Variants in GRAMD2B observed in about 807,000 individuals in gnomAD.
GRAMD2B encodes GRAM domain-containing protein 2B.
Under a neutral mutation model 59.2 loss-of-function variants are expected in GRAMD2B, and 41 were observed. That is an observed-to-expected ratio of 0.69 (90% CI 0.54 to 0.90). The LOEUF (loss-of-function observed/expected upper bound fraction) is 0.90, where lower values mean the gene tolerates loss of function less well. Ranked by LOEUF, GRAMD2B falls within the 40% of genes least tolerant of loss-of-function variation. The pLI is 0.00. For missense variants in GRAMD2B, 424 were observed against 500.5 expected, an observed-to-expected ratio of 0.85 and a Z score of 1.46; for synonymous variants, 161 against 182.7, an observed-to-expected ratio of 0.88 and a Z score of 0.96.
At chr5:126,465,579 T>C in intron 2 of GRAMD2B, 34 bp downstream of exon 2, 2 of 1,603,432 alleles carry the variant, frequency 1.2e-6, no homozygotes, top group South Asian at 2.2e-5. Flanking sequence ...TGTTCTCTTT[T>C]GTCTTTTGGG....
intron 1 of GRAMD2B, among the ~76,000 whole-genome samples, chr5:126,453,043 T>C (rs1360194825): frequency 1.3e-5 from 2 of 152,160 alleles, no homozygotes; most frequent in African/African-American, 4.8e-5. Flanking sequence ...AAGTGGCTCA[T>C]TGTGACATCC....
At position 126,426,880 on chromosome 5, in the gene GRAMD2B, C is replaced by T. The variant is rs78046747; in HGVS notation, c.83+3191C>T. Among the ~76,000 whole-genome samples the T allele has an allele frequency of 9.9e-3, 1,506 of 152,292 alleles. 29 individuals are homozygous for T. The highest frequency in any genetic ancestry group is 0.034 in the African/African-American group (1,419 of 41,550). On this transcript the variant is annotated intron_variant, in intron 1 of 13. Transcript: ENST00000285689. Reference sequence around the variant, plus strand: ...GTGCTAGAAGGTGAAGCTGCTGATACACTCATCACCGAACTGCATATTTGA... The same window carrying T: ...GTGCTAGAAGGTGAAGCTGCTGATATACTCATCACCGAACTGCATATTTGA...
chr5:126,360,546 G>A (rs772290752), intron 1 of GRAMD2B: 174 of 1,294,970 alleles, frequency 1.3e-4, no homozygotes, highest in Non-Finnish European at 1.8e-4. Context: ...GTATCTTAAG[G>A]ACAGAGTGTC....
intron 12 of GRAMD2B, among the ~76,000 whole-genome samples, 190 bp downstream of exon 12, chr5:126,487,167 T>C (rs1773102333): frequency 6.6e-6 from 1 of 152,080 alleles, no homozygotes; most frequent in African/African-American, 2.4e-5. Flanking sequence ...CTGTACTATT[T>C]TGGAGTTGTG....
chr5:126,460,729 A>G (rs1302859522), intron 1 of GRAMD2B, among the ~76,000 whole-genome samples: 2 of 152,202 alleles, frequency 1.3e-5, no homozygotes, highest in Admixed American at 6.5e-5. Flanking sequence ...ACAAGCGTCT[A>G]TGAGGCCCCA....
At chr5:126,421,369 T>C (rs553832438), upstream of GRAMD2B, among the ~76,000 whole-genome samples, 1 of 152,240 alleles carries the variant, frequency 6.6e-6, no homozygotes, top group South Asian at 2.1e-4. Flanking sequence ...GTTTGGGAAA[T>C]TGACAACCTC....
upstream of GRAMD2B, chr5:126,423,314 T>TC (rs1759959811): frequency 2.4e-6 from 3 of 1,261,186 alleles, no homozygotes; most frequent in African/African-American, 4.7e-5. Flanking sequence ...GTTTCCTTTT[T>TC]CTCTTCTCTG....
At chr5:126,403,351 A>C (rs1334319892) in intron 1 of GRAMD2B, among the ~76,000 whole-genome samples, 1 of 152,018 alleles carries the variant, frequency 6.6e-6, no homozygotes, top group Admixed American at 6.6e-5. Flanking sequence ...TTCTTTCCAC[A>C]TTACTGTTTA....
At chr5:126,420,521 CA>C (rs1333694467), upstream of GRAMD2B, among the ~76,000 whole-genome samples, 1 of 152,202 alleles carries the variant, frequency 6.6e-6, no homozygotes, top group Admixed American at 6.5e-5. Context: ...TGCTCCTTCT[CA>C]CTTAAAACCA....
intron 1 of GRAMD2B, among the ~76,000 whole-genome samples, chr5:126,410,798 T>C (rs1758713989): frequency 1.3e-5 from 2 of 152,112 alleles, no homozygotes; most frequent in Non-Finnish European, 2.9e-5. Flanking sequence ...TTTTTCATAA[T>C]AACCATTCCA....
At chr5:126,442,526 A>G (rs1267591969) in intron 1 of GRAMD2B, among the ~76,000 whole-genome samples, 1 of 152,086 alleles carries the variant, frequency 6.6e-6, no homozygotes. Context: ...TCCCAACCTC[A>G]AATGATCCAC....
rs766526046 is a variant in GRAMD2B, at chr5:126,443,258, G to A, written c.83+19569G>A. On this transcript the variant is annotated intron_variant, in intron 1 of 13. Coordinates refer to ENST00000285689, the MANE Select transcript of GRAMD2B (RefSeq NM_023927.4). Reference sequence around the variant, plus strand: ...TTTTTACAAGTCCCATGCCTAAATCGTTCTGACATAGAAAGTTCTTAGGCC... The same window carrying A: ...TTTTTACAAGTCCCATGCCTAAATCATTCTGACATAGAAAGTTCTTAGGCC... Among the ~76,000 whole-genome samples, 32 of 152,252 alleles carry A rather than the reference G, an allele frequency of 2.1e-4. No homozygotes were observed. The East Asian group carries it at 2.7e-3, about 13-fold the overall frequency.
intron 1 of GRAMD2B, among the ~76,000 whole-genome samples, chr5:126,435,298 G>A (rs1374023271): frequency 6.6e-6 from 1 of 152,204 alleles, no homozygotes; most frequent in Non-Finnish European, 1.5e-5. Flanking sequence ...GATTAGAGGC[G>A]CTGTTTGAAG....
upstream of GRAMD2B, among the ~76,000 whole-genome samples, chr5:126,369,800 A>G (rs1462043299): frequency 6.6e-6 from 1 of 152,222 alleles, no homozygotes; most frequent in Non-Finnish European, 1.5e-5. Context: ...TGCATGAGAC[A>G]GAGAGTAACA....
Position 126,376,718 on chromosome 5 carries a change from G to A in GRAMD2B, c.125+5151G>A, listed in dbSNP as rs538931712. Among the ~76,000 whole-genome samples, 23 of 152,302 alleles carry A rather than the reference G, an allele frequency of 1.5e-4. No individual in the cohort carries two copies. The East Asian group carries it at 4.4e-3, about 29-fold the overall frequency. ...GGAAAATGAGGTTACTTCTCCAAGA[G>A]CAGGGATGAGATGGAAGCATTCAAA... On this transcript the variant is annotated intron_variant, in intron 1 of 8. Coordinates refer to the GRAMD2B transcript ENST00000506445.
At chr5:126,429,986 C>G (rs1761306973) in intron 1 of GRAMD2B, among the ~76,000 whole-genome samples, 1 of 152,206 alleles carries the variant, frequency 6.6e-6, no homozygotes, top group South Asian at 2.1e-4. Context: ...CTCATGGACT[C>G]TCAGCTTTAA....
chr5:126,451,215 A>C (rs979632431), intron 1 of GRAMD2B, among the ~76,000 whole-genome samples: 4 of 152,196 alleles, frequency 2.6e-5, no homozygotes, highest in Non-Finnish European at 4.4e-5. Flanking sequence ...TTGATCTTGA[A>C]CTTCCAGCCT....
chr5:126,482,711 G>A (rs1194477903), intron 8 of GRAMD2B, among the ~76,000 whole-genome samples: 1 of 152,210 alleles, frequency 6.6e-6, no homozygotes, highest in Non-Finnish European at 1.5e-5. Flanking sequence ...CAAGGTGAAA[G>A]GTTGGTAATT....
chr5:126,453,415 A>G (rs926479352), intron 1 of GRAMD2B, among the ~76,000 whole-genome samples: 13 of 152,060 alleles, frequency 8.5e-5, no homozygotes, highest in African/African-American at 2.9e-4. Flanking sequence ...CCTGCCCCTA[A>G]AAAGGTTATA....
Sources: allele counts gnomAD v4.1 joint callset (sites outside exome capture counted in the v4.1 genomes callset), GRCh38; gene constraint gnomAD v4.1.1; transcripts MANE v1.5; gene names NCBI Gene and HGNC (gene_info 2026-07-23, HGNC 2026-07-21).